STARD13: variants seen among roughly 807,000 people sequenced by gnomAD.
STARD13 encodes the protein stAR-related lipid transfer protein 13.
STARD13 carries 62 observed loss-of-function variants against 106.4 expected under a neutral mutation model. The observed-to-expected ratio is 0.58, with a 90% CI of 0.48 to 0.72. STARD13 has a LOEUF of 0.72. Ranked by LOEUF, STARD13 falls within the 30% of genes least tolerant of loss-of-function variation. The pLI is 0.00. For missense variants in STARD13, 1,387 were observed against 1,424.0 expected (o/e 0.97, Z 0.42); for synonymous variants, 565 against 553.0 (o/e 1.02, Z -0.31).
At chr13:33,648,599 A>G in the STARD13 span, among the ~76,000 whole-genome samples, 1 of 152,108 alleles carries the variant, frequency 6.6e-6, no homozygotes, top group South Asian at 2.1e-4. Flanking sequence ...CCTAGGCCTC[A>G]GTTTCCTTCT....
chr13:33,610,610 CAACAGT>C, the STARD13 span, among the ~76,000 whole-genome samples: 5 of 152,234 alleles, frequency 3.3e-5, no homozygotes, highest in Non-Finnish European at 4.4e-5. Flanking sequence ...CTTCAACTCC[CAACAGT>C]AACCTTGCAG....
At chr13:33,501,823 C>T in the STARD13 span, among the ~76,000 whole-genome samples, 1 of 152,052 alleles carries the variant, frequency 6.6e-6, no homozygotes, top group Non-Finnish European at 1.5e-5. Flanking sequence ...ATGCTTCCAG[C>T]TTTGTTCTTT....
At chr13:33,580,519 C>A in the STARD13 span, among the ~76,000 whole-genome samples, 1 of 151,974 alleles carries the variant, frequency 6.6e-6, no homozygotes, top group African/African-American at 2.4e-5. Flanking sequence ...CACAACACAG[C>A]GTGAACCTTA....
chr13:33,502,200 T>C, the STARD13 span, among the ~76,000 whole-genome samples: 1 of 152,314 alleles, frequency 6.6e-6, no homozygotes, highest in Non-Finnish European at 1.5e-5. Flanking sequence ...TTTATTGGTG[T>C]ACAGGAATGC....
chr13:33,236,075 C>A (rs535271601), intron 1 of STARD13, among the ~76,000 whole-genome samples: 21 of 152,280 alleles, frequency 1.4e-4, no homozygotes, highest in African/African-American at 4.6e-4. Flanking sequence ...ATTATGAAAA[C>A]GTACTGTTTT....
the STARD13 span, among the ~76,000 whole-genome samples, chr13:33,664,094 T>C: frequency 2.8e-4 from 42 of 152,298 alleles, no homozygotes; most frequent in South Asian, 7.1e-3. Context: ...AGGATTTTCC[T>C]AGATCCAAGT....
At chr13:33,436,112 G>A in the STARD13 span, among the ~76,000 whole-genome samples, 2 of 152,294 alleles carry the variant, frequency 1.3e-5, no homozygotes, top group African/African-American at 2.4e-5. Flanking sequence ...CTTGGAGGAA[G>A]GTTGAATAGC....
At chr13:33,563,629 G>A in the STARD13 span, among the ~76,000 whole-genome samples, 1 of 147,278 alleles carries the variant, frequency 6.8e-6, no homozygotes, top group Non-Finnish European at 1.5e-5. Flanking sequence ...ACTCCTGAAA[G>A]AAAACTTTGG....
the STARD13 span, among the ~76,000 whole-genome samples, chr13:33,443,623 C>G: frequency 6.6e-6 from 1 of 152,034 alleles, no homozygotes; most frequent in Non-Finnish European, 1.5e-5. Flanking sequence ...TGGTGGCTCA[C>G]GCCTGTAATC....
At chr13:33,266,626 G>A (rs777660543) in intron 1 of STARD13, among the ~76,000 whole-genome samples, 3 of 152,146 alleles carry the variant, frequency 2.0e-5, no homozygotes, top group East Asian at 1.9e-4. Context: ...ACAACTCTGC[G>A]ATTTTGCCCG....
chr13:33,331,197 C>T (rs866420316), intron 1 of STARD13, among the ~76,000 whole-genome samples: 38 of 152,162 alleles, frequency 2.5e-4, no homozygotes, highest in African/African-American at 9.2e-4. Flanking sequence ...CAAATAATTC[C>T]TCATGCTGCT....
the STARD13 span, among the ~76,000 whole-genome samples, chr13:33,646,836 A>G: frequency 3.3e-5 from 5 of 152,202 alleles, no homozygotes; most frequent in East Asian, 9.6e-4. Flanking sequence ...GTTATATAAT[A>G]CAATATTTTA....
chr13:33,352,270 A>G (rs2078085874), upstream of STARD13, among the ~76,000 whole-genome samples: 1 of 152,198 alleles, frequency 6.6e-6, no homozygotes, highest in Admixed American at 6.5e-5. Flanking sequence ...TGCAAAGAAC[A>G]AGACTCCTGT....
the STARD13 span, among the ~76,000 whole-genome samples, chr13:33,452,427 CTAGAGCTTCATGCTTAAA>C: frequency 6.6e-6 from 1 of 152,218 alleles, no homozygotes; most frequent in African/African-American, 2.4e-5. Flanking sequence ...AGTACTCAGA[CTAGAGCTTCATGCTTAAA>C]TACTGCCTCC....
chr13:33,642,926 G>A, the STARD13 span, among the ~76,000 whole-genome samples: 1 of 151,690 alleles, frequency 6.6e-6, no homozygotes, highest in African/African-American at 2.4e-5. Flanking sequence ...GAGGCAAGAG[G>A]TCAGGGTGAA....
At chr13:33,338,809 C>G (rs895585146) in intron 1 of STARD13, among the ~76,000 whole-genome samples, 2 of 147,732 alleles carry the variant, frequency 1.4e-5, no homozygotes, top group Non-Finnish European at 3.0e-5. Context: ...TGTTTGAACC[C>G]GGGAGGCAGA....
intron 1 of STARD13, among the ~76,000 whole-genome samples, chr13:33,255,863 C>T (rs1462263442): frequency 6.6e-6 from 1 of 152,186 alleles, no homozygotes; most frequent in Non-Finnish European, 1.5e-5. Flanking sequence ...ATTACTGGCC[C>T]TTCTGCTCAT....
At chr13:33,349,074 A>T in exon 2 of STARD13, 1 of 701,104 alleles carries the variant, frequency 1.4e-6, no homozygotes, top group Non-Finnish European at 2.6e-6. Context: ...AGTTCAAGTA[A>T]GGAAAAAAGG....
At chr13:33,654,480 G>A in the STARD13 span, among the ~76,000 whole-genome samples, 2 of 151,976 alleles carry the variant, frequency 1.3e-5, no homozygotes. Flanking sequence ...GAGAATGGGG[G>A]CTGACTGCTA....
Sources: gnomAD v4.1 joint callset for allele counts (sites outside exome capture counted in the v4.1 genomes callset) on GRCh38, gnomAD v4.1.1 for gene constraint, MANE v1.5 for transcripts, NCBI Gene and HGNC (gene_info 2026-07-23, HGNC 2026-07-21) for gene names.